CRISP2: variants seen among roughly 807,000 people sequenced by gnomAD.
The protein encoded by CRISP2 is cysteine-rich secretory protein 2.
In CRISP2, 29 loss-of-function variants were observed where a neutral mutation model predicts 31.7. The ratio of observed to expected loss-of-function variants is 0.92; its 90% CI spans 0.68 to 1.25. CRISP2 has a LOEUF of 1.25. CRISP2 is among the 50% of genes most tolerant of loss of function. The pLI is 0.00. For synonymous variants in CRISP2, 111 were observed against 101.4 expected, an observed-to-expected ratio of 1.09 and a Z score of -0.57; for missense variants, 318 against 286.5, an observed-to-expected ratio of 1.11 and a Z score of -0.79.
chr6:49,711,631 A>C (rs1294044594), intron 2 of CRISP2, among the ~76,000 whole-genome samples: 1 of 152,174 alleles, frequency 6.6e-6, no homozygotes, highest in African/African-American at 2.4e-5. Context: ...TTGACAACCC[A>C]AGACAGGTTA....
chr6:49,698,443 T>G lies in CRISP2; in HGVS notation c.336A>C (p.Gln112His). Residue 112 changes from glutamine (Q) to histidine (H), a missense_variant, in exon 7 of 10, where the codon CAA (glutamine) becomes CAC (histidine). By Grantham distance (24) the Gln-to-His change is conservative. Transcript: ENST00000339139. The part of the protein sequence containing the change: ...SDPTSWSSAI[Q>H]SWYDEILDFV... ...AATCTAGGATCTCGTCATACCAGCTTTGGATTGCAGAAGACCAGGAAGTAG... is the reference window on the plus strand; with the variant it reads ...AATCTAGGATCTCGTCATACCAGCTGTGGATTGCAGAAGACCAGGAAGTAG... The G allele has an allele frequency of 6.2e-7, 1 of 1,613,384 alleles. No homozygotes were observed. Among genetic ancestry groups the G allele is most frequent in the South Asian group, 1.1e-5 (1 of 91,000 alleles).
intron 9 of CRISP2, among the ~76,000 whole-genome samples, chr6:49,693,501 CT>C (rs1764240476): frequency 1.3e-5 from 2 of 152,046 alleles, no homozygotes; most frequent in African/African-American, 4.8e-5. Context: ...CGCCCTTTTC[CT>C]TTTGATGTTT....
chr6:49,695,897 G>C lies in CRISP2; in HGVS notation c.543C>G (p.Thr181=), dbSNP rs563283496. The C allele has an allele frequency of 3.7e-6, 6 of 1,611,826 alleles. No individual in the cohort carries two copies. In the Admixed American group the frequency reaches 8.4e-5, roughly 22 times the overall value. Residue 181 remains threonine (T), a synonymous_variant, in exon 9 of 10, where the codon ACC becomes ACG. Coordinates refer to ENST00000339139, the MANE Select transcript of CRISP2 (RefSeq NM_003296.4). ...PAGNNMNRKN[T]PYQQGTPCAG... is the part of the protein sequence containing the mutation. ...CACAAGGTGTTCCTTGTTGGTACGG[G>C]GTATTCTTTCTATTCATATTATTAC...
intron 4 of CRISP2, among the ~76,000 whole-genome samples, chr6:49,701,618 A>ACAT (rs1561876051): frequency 2.1e-5 from 1 of 48,622 alleles, no homozygotes; most frequent in Non-Finnish European, 3.6e-5. Flanking sequence ...CGGTATATAT[A>ACAT]TATACATTAT....
chr6:49,702,139 C>CATATATATATATATATA, intron 4 of CRISP2, among the ~76,000 whole-genome samples: 1 of 91,528 alleles, frequency 1.1e-5, no homozygotes, highest in South Asian at 3.6e-4. Context: ...TATATGTGTA[C>CATATATATATATATATA]TATATATATA....
chr6:49,703,640 T>A (rs1089533), intron 4 of CRISP2, among the ~76,000 whole-genome samples: 138,844 of 152,204 alleles, frequency 0.91, 63,435 homozygotes, highest in East Asian at 0.97. Context: ...GGTGTATAGC[T>A]GTACTACTGA....
rs753645068 is a variant in CRISP2 at position 49,697,971 on chromosome 6, A to G, written c.418-14T>C. On this transcript the variant is annotated splice_polypyrimidine_tract_variant and intron_variant, in intron 7 of 9. Transcript: ENST00000339139. Reference sequence around the variant, plus strand: ...GTACCAAACAAGCTGCAAATTAACAATGGAATAAATATATAAAAGTACATT... The same window carrying G: ...GTACCAAACAAGCTGCAAATTAACAGTGGAATAAATATATAAAAGTACATT... The G allele has an allele frequency of 1.3e-6, 2 of 1,552,446 alleles. No homozygotes were observed. Among genetic ancestry groups the G allele is most frequent in the Non-Finnish European group, 1.7e-6 (2 of 1,145,168 alleles).
the CRISP2 span, among the ~76,000 whole-genome samples, chr6:49,686,529 C>T: frequency 5.9e-5 from 9 of 152,150 alleles, no homozygotes; most frequent in East Asian, 1.4e-3. Flanking sequence ...GTTAGAAAGG[C>T]GATCATTAAA....
intron 4 of CRISP2, among the ~76,000 whole-genome samples, chr6:49,706,053 T>C (rs570727258): frequency 6.6e-6 from 1 of 152,360 alleles, no homozygotes; most frequent in South Asian, 2.1e-4. Flanking sequence ...TCCTGCCTCC[T>C]ATCTGCCATT....
At chr6:49,695,521 T>G (rs1292018750) in intron 9 of CRISP2, among the ~76,000 whole-genome samples, 1 of 152,168 alleles carries the variant, frequency 6.6e-6, no homozygotes, top group Admixed American at 6.5e-5. Context: ...GGTATAGTGA[T>G]ATGAACTTTG....
the CRISP2 span, among the ~76,000 whole-genome samples, chr6:49,681,749 A>C: frequency 6.6e-6 from 1 of 152,098 alleles, no homozygotes; most frequent in African/African-American, 2.4e-5. Context: ...GCTGGCCTCA[A>C]ACTACTGAGT....
chr6:49,683,617 T>A, the CRISP2 span, among the ~76,000 whole-genome samples: 121 of 131,704 alleles, frequency 9.2e-4, no homozygotes, highest in African/African-American at 3.4e-3. Flanking sequence ...TGAGCCGAGA[T>A]CATGCCACTG....
Position 49,699,767 on chromosome 6 carries a change from A to C in CRISP2, c.271+37T>G, listed in dbSNP as rs779406520. ...ACAATGCTCTATTATTATTTTATTC[A>C]TTTATTTATTCAACAAATATTTACT... On this transcript the variant is annotated intron_variant, in intron 6 of 9. Transcript: ENST00000339139. 1.4e-5 allele frequency: 20 copies of C among 1,382,514 alleles called. No homozygotes were observed. In the East Asian group the frequency reaches 4.7e-4, roughly 32 times the overall value. The allele number at this position is 1,382,514 out of a possible 1,614,324, so 85.6% of individuals were successfully genotyped here. A position where few individuals can be genotyped will look rare whatever the true frequency, so the allele number is the denominator to read the frequency against.
chr6:49,702,478 T>G (rs1275396748), intron 4 of CRISP2, among the ~76,000 whole-genome samples: 1 of 151,970 alleles, frequency 6.6e-6, no homozygotes, highest in Non-Finnish European at 1.5e-5. Flanking sequence ...CTATTATTTT[T>G]TTAATTAAAT....
chr6:49,678,582 G>T, the CRISP2 span, among the ~76,000 whole-genome samples: 1 of 152,066 alleles, frequency 6.6e-6, no homozygotes, highest in Admixed American at 6.6e-5. Flanking sequence ...TCTCCGGTGG[G>T]ATTGGGATAT....
Position 49,698,382 on chromosome 6 carries a change from C to T in CRISP2, c.397G>A (p.Val133Ile). 6.2e-7 allele frequency: 1 copy of T among 1,613,186 alleles called. No individual in the cohort carries two copies. Among genetic ancestry groups the T allele is most frequent in the African/African-American group, 1.3e-5 (1 of 74,988 alleles). Residue 133 changes from valine (V) to isoleucine (I), a missense_variant, in exon 7 of 10, where the codon GTT (valine) becomes ATT (isoleucine). By Grantham distance (29) the Val-to-Ile change is conservative. Transcript: ENST00000339139. ...CTTACCTGAGTATAATGTCCAACAA[C>T]TGCATTGGGACTCTTTGGTCCTACA... ...YGVGPKSPNAVVGHYTQLVWY... is the reference protein window; with the variant it reads ...YGVGPKSPNAIVGHYTQLVWY...
intron 4 of CRISP2, among the ~76,000 whole-genome samples, chr6:49,702,166 T>TGTGTAC (rs1366105313): frequency 6.6e-4 from 79 of 119,774 alleles, no homozygotes; most frequent in African/African-American, 2.3e-3. Flanking sequence ...TATATATATA[T>TGTGTAC]ATATATATAT....
intron 4 of CRISP2, among the ~76,000 whole-genome samples, chr6:49,705,025 G>A (rs1766778662): frequency 6.6e-6 from 1 of 152,120 alleles, no homozygotes; most frequent in Non-Finnish European, 1.5e-5. Flanking sequence ...AGGTCACCTG[G>A]ATAAGTATTC....
At chr6:49,688,536 G>A (rs1038948834), downstream of CRISP2, among the ~76,000 whole-genome samples, 10 of 151,966 alleles carry the variant, frequency 6.6e-5, no homozygotes, top group Non-Finnish European at 1.3e-4. Context: ...TAAGGTACAG[G>A]CCAAAAAGCC....
Sources: allele counts gnomAD v4.1 joint callset (sites outside exome capture counted in the v4.1 genomes callset), GRCh38; gene constraint gnomAD v4.1.1; transcripts MANE v1.5; gene names NCBI Gene and HGNC (gene_info 2026-07-23, HGNC 2026-07-21).